The following AGBL5 variants were observed in gnomAD, a reference collection of about 807,000 sequenced individuals.
AGBL5 encodes the protein AGBL carboxypeptidase 5.
Under a neutral mutation model 88.0 loss-of-function variants are expected in AGBL5, and 51 were observed. That is an observed-to-expected ratio of 0.58 (90% CI 0.46 to 0.73). The LOEUF (loss-of-function observed/expected upper bound fraction) is 0.73, where lower values mean the gene tolerates loss of function less well. Among genes scored for constraint, AGBL5 ranks in the 30% least tolerant of loss-of-function variants. The pLI is 0.00. For synonymous variants in AGBL5, 446 were observed against 438.8 expected, an observed-to-expected ratio of 1.02 and a Z score of -0.21; for missense variants, 1,031 against 1,162.2, an observed-to-expected ratio of 0.89 and a Z score of 1.64.
At chr2:27,056,517 T>G in intron 7 of AGBL5, 106 bp from the exon 8 acceptor site, 1 of 961,302 alleles carries the variant, frequency 1.0e-6, no homozygotes, top group Non-Finnish European at 1.5e-6. Flanking sequence ...ATGGTTGTGA[T>G]GGTATCTGCT....
At chr2:27,059,591 T>C in intron 11 of AGBL5, 187 bp downstream of exon 11, 1 of 1,389,244 alleles carries the variant, frequency 7.2e-7, no homozygotes, top group Non-Finnish European at 9.6e-7. Flanking sequence ...CAGAGCGGTA[T>C]TGTGTGTGGC....
chr2:27,066,370 A>AGGGAGAATGAAAGAAAGG (rs1491557991), intron 11 of AGBL5, among the ~76,000 whole-genome samples: 1 of 152,172 alleles, frequency 6.6e-6, no homozygotes, highest in Admixed American at 6.5e-5. Context: ...GCATGAAGAC[A>AGGGAGAATGAAAGAAAGG]GGGAGAATGA....
intron 13 of AGBL5, chr2:27,069,107 G>C: frequency 7.5e-7 from 1 of 1,340,560 alleles, no homozygotes; most frequent in South Asian, 1.2e-5. Flanking sequence ...AACACATTTG[G>C]TTGCTGCTGC....
chr2:27,058,655 T>G, intron 10 of AGBL5, 53 bp downstream of exon 10: 1 of 1,581,728 alleles, frequency 6.3e-7, no homozygotes, highest in Non-Finnish European at 8.6e-7. Context: ...GACAGGGCTC[T>G]AGAGCTAGGA....
At chr2:27,068,944 TG>T in intron 13 of AGBL5, 200 bp downstream of exon 13, 1 of 1,497,190 alleles carries the variant, frequency 6.7e-7, no homozygotes, top group Non-Finnish European at 8.9e-7. Context: ...CCAGGTCATT[TG>T]CTTGCTTTCA....
In AGBL5 at chr2:27,057,377, G is replaced by C. The variant is rs746607000; in HGVS notation, c.1610G>C (p.Arg537Pro). Residue 537 changes from arginine (R) to proline (P), a missense_variant, in exon 9 of 15, where the codon CGT becomes CCT. By Grantham distance (103) the Arg-to-Pro change is moderately radical. This residue lies in a region of AGBL5 where 491 missense variants were observed against 484.0 expected (regional missense o/e 1.01). Coordinates refer to ENST00000360131, the MANE Select transcript of AGBL5 (RefSeq NM_021831.6). ...SIPAACHDNG[R>P]ASPPPPPAFP... Reference sequence around the variant, plus strand: ...CCTGCTGCCTGCCATGACAATGGGCGTGCCAGCCCCCCTCCCCCGCCGGCT... The same window carrying C: ...CCTGCTGCCTGCCATGACAATGGGCCTGCCAGCCCCCCTCCCCCGCCGGCT... The C allele has an allele frequency of 6.2e-7, 1 of 1,614,002 alleles. No homozygotes were observed. The highest frequency in any genetic ancestry group is 2.2e-5 in the East Asian group (1 of 44,880).
intron 11 of AGBL5, among the ~76,000 whole-genome samples, chr2:27,064,263 A>G (rs2148296287): frequency 8.7e-6 from 1 of 115,494 alleles, no homozygotes; most frequent in East Asian, 2.6e-4. Flanking sequence ...TGTGCCAACA[A>G]CTCTCACTAG....
intron 11 of AGBL5, among the ~76,000 whole-genome samples, chr2:27,060,313 G>A (rs1001666827): frequency 6.6e-5 from 10 of 152,234 alleles, no homozygotes; most frequent in Non-Finnish European, 1.2e-4. Flanking sequence ...GGTTTTGCCT[G>A]ATGAGACCCT....
At chr2:27,058,660 C>G in intron 10 of AGBL5, 58 bp downstream of exon 10, 1 of 1,564,134 alleles carries the variant, frequency 6.4e-7, no homozygotes. Flanking sequence ...GGCTCTAGAG[C>G]TAGGAGTTCC....
chr2:27,069,359 C>G, intron 13 of AGBL5: 1 of 985,392 alleles, frequency 1.0e-6, no homozygotes. Context: ...GTTTGCCACC[C>G]CTAGTTATAG....
At chr2:27,054,260 A>C in intron 4 of AGBL5, 1 of 604,924 alleles carries the variant, frequency 1.7e-6, no homozygotes. Flanking sequence ...CCTGCCCTCC[A>C]CTCTTTCACC....
chr2:27,059,612 A>T (rs1160135755), intron 11 of AGBL5: 11 of 1,220,878 alleles, frequency 9.0e-6, no homozygotes, highest in South Asian at 6.4e-5. Context: ...CAGAGGGGGA[A>T]GTCTGGGTAT....
intron 12 of AGBL5, chr2:27,067,947 T>C: frequency 2.3e-6 from 1 of 437,636 alleles, no homozygotes; most frequent in South Asian, 2.1e-5. Context: ...TTATGCAAAT[T>C]CCCTGACTCC....
At chr2:27,063,582 G>A (rs1180718618) in intron 11 of AGBL5, among the ~76,000 whole-genome samples, 3 of 122,828 alleles carry the variant, frequency 2.4e-5, no homozygotes, top group Admixed American at 9.1e-5. Context: ...GCGACAGAGC[G>A]AGACTCCGTC....
intron 4 of AGBL5, 58 bp from the exon 5 acceptor site, chr2:27,054,572 C>A: frequency 1.9e-6 from 3 of 1,543,262 alleles, no homozygotes; most frequent in African/African-American, 1.4e-5. Context: ...GGTGACAAGG[C>A]CTACCTCTTA....
chr2:27,053,636 GT>G lies in AGBL5; in HGVS notation c.387+72del, dbSNP rs963616530. On this transcript the variant is annotated intron_variant, in intron 3 of 14. Transcript: ENST00000360131. This position sits in a 1 kb window ranked among gnomAD's most constrained non-coding sequence, Gnocchi z 4.9. ...CTAAAAGTAGAGAGGAAAGTAAAGC[GT>G]TTTTTTTTCCTTGATACAAGTATGA... 2.2e-5 allele frequency: 34 copies of G among 1,519,478 alleles called. No individual in the cohort carries two copies. The highest frequency in any genetic ancestry group is 1.1e-4 in the Admixed American group (5 of 46,744). 94.1% of individuals were successfully genotyped at this position (1,519,478 alleles called of 1,614,324 possible). A position where few individuals can be genotyped will look rare whatever the true frequency, so the allele number is the denominator to read the frequency against.
chr2:27,066,977 G>A lies in AGBL5; in HGVS notation c.2090-517G>A, dbSNP rs147812275. On this transcript the variant is annotated intron_variant, in intron 11 of 14. Coordinates refer to ENST00000360131, the MANE Select transcript of AGBL5 (RefSeq NM_021831.6). ...ATGCGCCTGTAATCCCAGCTACTCGGGAGCCTGAGGCAGGAGAATCGCTTG... is the reference window on the plus strand; with the variant it reads ...ATGCGCCTGTAATCCCAGCTACTCGAGAGCCTGAGGCAGGAGAATCGCTTG... Among the ~76,000 whole-genome samples the A allele has an allele frequency of 9.2e-3, 1,400 of 152,086 alleles. 21 individuals carry two copies. Among genetic ancestry groups the A allele is most frequent in the African/African-American group, 0.032 (1,333 of 41,462 alleles).
At chr2:27,054,843 T>C (rs1261331247) in intron 5 of AGBL5, 36 bp downstream of exon 5, 3 of 1,596,036 alleles carry the variant, frequency 1.9e-6, no homozygotes, top group Non-Finnish European at 2.6e-6. Context: ...TTCTTTGGCT[T>C]TTCTCTAGCA....
chr2:27,069,468 A>T (rs556532057), intron 13 of AGBL5, 105 bp from the exon 14 acceptor site: 1 of 1,534,460 alleles, frequency 6.5e-7, no homozygotes, highest in African/African-American at 1.4e-5. Flanking sequence ...ACCTCTACTG[A>T]TCCCTATACT....
Sources: gnomAD v4.1 joint callset for allele counts (sites outside exome capture counted in the v4.1 genomes callset) on GRCh38, gnomAD v4.1.1 for gene constraint, gnomAD v4.1.1 regional missense constraint, Gnocchi (gnomAD v3.1) non-coding constraint, MANE v1.5 for transcripts, NCBI Gene and HGNC (gene_info 2026-07-23, HGNC 2026-07-21) for gene names.